Variants in LINGO2 observed in about 807,000 individuals in gnomAD.
LINGO2 encodes leucine rich repeat and Ig domain containing 2.
A neutral mutation model predicts 30.6 loss-of-function variants in LINGO2; 14 were observed. The observed-to-expected ratio is 0.46, with a 90% CI of 0.30 to 0.72. The LOEUF is 0.72. LINGO2 is among the 30% of genes least tolerant of loss of function. The probability of loss-of-function intolerance (pLI) is 0.07; values close to 1 mark genes in which losing one functional copy is unlikely to be tolerated. For synonymous variants in LINGO2, 317 were observed against 288.5 expected (o/e 1.10, Z -1.00); for missense variants, 729 against 751.7 (o/e 0.97, Z 0.35).
At chr9:28,221,673 C>A (rs1587258209) in intron 4 of LINGO2, among the ~76,000 whole-genome samples, 1 of 152,136 alleles carries the variant, frequency 6.6e-6, no homozygotes, top group Admixed American at 6.5e-5. Context: ...AGACAAACGA[C>A]AAAACTAAGA....
intron 4 of LINGO2, among the ~76,000 whole-genome samples, chr9:28,252,453 T>G (rs1822238550): frequency 6.6e-6 from 1 of 152,038 alleles, no homozygotes; most frequent in African/African-American, 2.4e-5. Flanking sequence ...TCTCAATCTC[T>G]TAACCTCGTG....
intron 1 of LINGO2, among the ~76,000 whole-genome samples, chr9:28,511,174 A>G (rs935612595): frequency 3.9e-5 from 6 of 152,188 alleles, no homozygotes; most frequent in African/African-American, 1.4e-4. Context: ...ATTAACCATC[A>G]CAAGTCCACC....
chr9:29,213,538 G>A, the LINGO2 span, among the ~76,000 whole-genome samples: 3 of 152,198 alleles, frequency 2.0e-5, no homozygotes, highest in African/African-American at 7.2e-5. Flanking sequence ...GCTGCAAGGC[G>A]GGACGCAGGA....
the LINGO2 span, among the ~76,000 whole-genome samples, chr9:28,973,648 T>C: frequency 6.6e-6 from 1 of 152,162 alleles, no homozygotes; most frequent in African/African-American, 2.4e-5. Flanking sequence ...TGTGGAACTG[T>C]GAGTCAATTA....
At chr9:28,878,291 G>A in the LINGO2 span, among the ~76,000 whole-genome samples, 3 of 152,118 alleles carry the variant, frequency 2.0e-5, no homozygotes, top group East Asian at 3.9e-4. Context: ...AAACCAGGAA[G>A]AAGTTGAATC....
chr9:28,571,755 T>C (rs1426979614), intron 1 of LINGO2, among the ~76,000 whole-genome samples: 2 of 151,502 alleles, frequency 1.3e-5, no homozygotes, highest in African/African-American at 4.9e-5. Flanking sequence ...AAAATATTTT[T>C]AACTGTCTAT....
the LINGO2 span, among the ~76,000 whole-genome samples, chr9:28,834,837 T>C: frequency 6.6e-6 from 1 of 152,166 alleles, no homozygotes; most frequent in Non-Finnish European, 1.5e-5. Flanking sequence ...ACATAGTAGG[T>C]GAATCACTTG....
the LINGO2 span, among the ~76,000 whole-genome samples, chr9:29,040,170 GCTAT>G: frequency 6.6e-6 from 1 of 151,830 alleles, no homozygotes; most frequent in Non-Finnish European, 1.5e-5. Context: ...AATTTTCTTG[GCTAT>G]CTATTATATT....
chr9:28,943,489 G>A, the LINGO2 span, among the ~76,000 whole-genome samples: 1 of 152,270 alleles, frequency 6.6e-6, no homozygotes, highest in East Asian at 1.9e-4. Flanking sequence ...TTGTTATCTT[G>A]GGAGAAGCTT....
At chr9:28,016,759 T>C (rs1369715665) in intron 4 of LINGO2, among the ~76,000 whole-genome samples, 1 of 148,854 alleles carries the variant, frequency 6.7e-6, no homozygotes, top group African/African-American at 2.5e-5. Flanking sequence ...TTCTACCACA[T>C]GTATAAAGAA....
At chr9:28,707,951 C>T in the LINGO2 span, among the ~76,000 whole-genome samples, 49 of 152,156 alleles carry the variant, frequency 3.2e-4, 1 homozygote, top group East Asian at 8.5e-3. Context: ...TGAAATTACA[C>T]TGAACTCATT....
At chr9:29,070,705 G>C in the LINGO2 span, among the ~76,000 whole-genome samples, 3 of 148,852 alleles carry the variant, frequency 2.0e-5, no homozygotes, top group African/African-American at 4.9e-5. Flanking sequence ...TCAACTCTCT[G>C]AACATTAACT....
chr9:28,087,035 G>C (rs1825935225), intron 4 of LINGO2, among the ~76,000 whole-genome samples: 1 of 152,076 alleles, frequency 6.6e-6, no homozygotes, highest in East Asian at 1.9e-4. Flanking sequence ...ACATGGCCTG[G>C]CATGCTTCTA....
intron 4 of LINGO2, among the ~76,000 whole-genome samples, chr9:28,262,359 T>C (rs1230783435): frequency 6.6e-6 from 1 of 151,916 alleles, no homozygotes; most frequent in Non-Finnish European, 1.5e-5. Context: ...ATAGCTTCAA[T>C]GACACAGAGA....
intron 4 of LINGO2, among the ~76,000 whole-genome samples, chr9:28,285,086 G>C (rs1823458672): frequency 6.6e-6 from 1 of 152,192 alleles, no homozygotes; most frequent in South Asian, 2.1e-4. Flanking sequence ...TGAGGTGTCA[G>C]GCATTGTGCT....
At chr9:28,431,972 T>C (rs1823696555) in intron 2 of LINGO2, among the ~76,000 whole-genome samples, 1 of 152,122 alleles carries the variant, frequency 6.6e-6, no homozygotes, top group Admixed American at 6.6e-5. Flanking sequence ...TGATGGGAAA[T>C]CAATATGATT....
At chr9:28,259,432 T>G (rs747296118) in intron 4 of LINGO2, among the ~76,000 whole-genome samples, 1 of 151,912 alleles carries the variant, frequency 6.6e-6, no homozygotes, top group Admixed American at 6.6e-5. Context: ...GGCAATTAAT[T>G]TCTCCCAGTC....
chr9:29,065,607 C>G, the LINGO2 span, among the ~76,000 whole-genome samples: 1 of 151,700 alleles, frequency 6.6e-6, no homozygotes, highest in Non-Finnish European at 1.5e-5. Flanking sequence ...CTTAACCTGC[C>G]CTATATTACA....
chr9:28,859,855 A>G, the LINGO2 span, among the ~76,000 whole-genome samples: 3 of 152,140 alleles, frequency 2.0e-5, no homozygotes, highest in Admixed American at 6.6e-5. Context: ...TGAGAATTCC[A>G]TAAAAGTGAA....
Sources: allele counts gnomAD v4.1 joint callset (sites outside exome capture counted in the v4.1 genomes callset), GRCh38; gene constraint gnomAD v4.1.1; transcripts MANE v1.5; gene names NCBI Gene and HGNC (gene_info 2026-07-23, HGNC 2026-07-21).